Variants in SHROOM1 observed in about 807,000 individuals in gnomAD.
SHROOM1 encodes the protein protein Shroom1.
SHROOM1 carries 53 observed loss-of-function variants against 64.2 expected under a neutral mutation model. The ratio of observed to expected loss-of-function variants is 0.83; its 90% CI spans 0.66 to 1.04. The LOEUF (loss-of-function observed/expected upper bound fraction) is 1.04. SHROOM1 is among the 50% of genes least tolerant of loss of function. The pLI, the probability that SHROOM1 is intolerant of heterozygous loss-of-function variation, is 0.00. For synonymous variants in SHROOM1, 490 were observed against 518.9 expected, an observed-to-expected ratio of 0.94 and a Z score of 0.76; for missense variants, 1,179 against 1,163.2, an observed-to-expected ratio of 1.01 and a Z score of -0.20.
At position 132,830,342 on chromosome 5, in the gene SHROOM1, C is replaced by G. The variant is rs970873005; in HGVS notation, c.-501+252G>C. ...GCCCAGCCGCGCCCCTGAGCCGCGC[C>G]GCCAGCTTAGAGTGGGCCGCCTCTC... On this transcript the variant is annotated intron_variant, in intron 1 of 9. Transcript: ENST00000378679. The surrounding 1 kb of genome is among the most constrained non-coding windows in gnomAD (Gnocchi z 5.9). 1.0e-6 allele frequency: 1 copy of G among 985,002 alleles called. No individual in the cohort carries two copies. Among genetic ancestry groups the G allele is most frequent in the African/African-American group, 1.7e-5 (1 of 57,190 alleles). The allele number at this position is 985,002 out of a possible 1,614,324, so 61.0% of individuals were successfully genotyped here. A position where few individuals can be genotyped will look rare whatever the true frequency, so the allele number is the denominator to read the frequency against.
In SHROOM1 at chr5:132,823,063, C is replaced by T; in HGVS notation, c.2292G>A (p.Glu764=). Residue 764 remains glutamate, a synonymous_variant, in exon 10 of 10, where the codon GAG becomes GAA. Coordinates refer to ENST00000378679, the MANE Select transcript of SHROOM1 (RefSeq NM_001172700.2). This position sits in a 1 kb window ranked among gnomAD's most constrained non-coding sequence, Gnocchi z 4.6. The part of the protein sequence containing the change: ...RQEEDAKELK[E]HVARRERAVR... ...CGGCCCGCTCGCGCCGCGCTACGTG[C>T]TCCTTCAGCTCCTTGGCGTCCTCCT... The T allele has an allele frequency of 6.3e-7, 1 of 1,593,630 alleles. No individual in the cohort carries two copies. The highest frequency in any genetic ancestry group is 8.5e-7 in the Non-Finnish European group (1 of 1,177,082).
In SHROOM1 at chr5:132,830,297, GCCGGCGC is replaced by G; in HGVS notation, c.-501+290_-501+296del. On this transcript the variant is annotated intron_variant, in intron 1 of 9. Transcript: ENST00000378679. The surrounding 1 kb of genome is among the most constrained non-coding windows in gnomAD (Gnocchi z 5.9). Reference sequence around the variant, plus strand: ...GTGGCGGAGTGAGACCGCGCTGCCCGCCGGCGCCACACGCGGCGCGCCCAGCCGCGCC... The same window carrying G: ...GTGGCGGAGTGAGACCGCGCTGCCCGCACACGCGGCGCGCCCAGCCGCGCC... 2.0e-6 allele frequency: 2 copies of G among 985,220 alleles called. No homozygotes were observed. Among genetic ancestry groups the G allele is most frequent in the Non-Finnish European group, 2.4e-6 (2 of 829,836 alleles). The allele number at this position is 985,220 out of a possible 1,614,324, so 61.0% of individuals were successfully genotyped here. A position where few individuals can be genotyped will look rare whatever the true frequency, so the allele number is the denominator to read the frequency against.
chr5:132,828,187 C>G (rs979348027), intron 1 of SHROOM1, among the ~76,000 whole-genome samples: 5 of 152,004 alleles, frequency 3.3e-5, no homozygotes, highest in African/African-American at 1.2e-4. Flanking sequence ...CCCTGAGGCC[C>G]AGGATGTTAC....
rs116995891 is a variant in SHROOM1 at position 132,826,197 on chromosome 5, A to T, written c.-42-15T>A. ...CTGCGTGGGTCCTGGGAAAACACAG[A>T]TGTGGTGCCGGGTGAGGAGCTCCGG... On this transcript the variant is annotated splice_polypyrimidine_tract_variant and intron_variant, in intron 3 of 9. Transcript: ENST00000378679. 2.9e-3 allele frequency: 3,730 copies of T among 1,279,582 alleles called. 179 individuals carry two copies. In the East Asian group the frequency reaches 0.093, roughly 32 times the overall value. The allele number at this position is 1,279,582 out of a possible 1,614,324, so 79.3% of individuals were successfully genotyped here. A position where few individuals can be genotyped will look rare whatever the true frequency, so the allele number is the denominator to read the frequency against.
chr5:132,824,832 G>T lies in SHROOM1; in HGVS notation c.1035-11C>A. 1 of 1,613,814 alleles carries T rather than the reference G, an allele frequency of 6.2e-7. No individual in the cohort carries two copies. The highest frequency in any genetic ancestry group is 8.5e-7 in the Non-Finnish European group (1 of 1,179,832). On this transcript the variant is annotated splice_polypyrimidine_tract_variant and intron_variant, in intron 5 of 9. Transcript: ENST00000378679. Reference sequence around the variant, plus strand: ...TTCTGAGGCAAGAACCTGGAGGCAGGGACCCCATAGTGACCACAGTGAAAG... The same window carrying T: ...TTCTGAGGCAAGAACCTGGAGGCAGTGACCCCATAGTGACCACAGTGAAAG...
In SHROOM1 at chr5:132,825,900, T is replaced by G. The variant is rs1758676413; in HGVS notation, c.241A>C (p.Thr81Pro). 3 of 1,330,706 alleles carry G rather than the reference T, an allele frequency of 2.3e-6. No individual in the cohort carries two copies. Among genetic ancestry groups the G allele is most frequent in the South Asian group, 2.0e-5 (1 of 49,358 alleles). The allele number at this position is 1,330,706 out of a possible 1,614,324, so 82.4% of individuals were successfully genotyped here. The change falls in exon 4 of 10, where the codon ACA (threonine) becomes CCA (proline). Residue 81 changes from threonine to proline, a missense_variant. Thr to Pro is a conservative substitution (Grantham distance 38). Coordinates refer to ENST00000378679, the MANE Select transcript of SHROOM1 (RefSeq NM_001172700.2). This position sits in a 1 kb window ranked among gnomAD's most constrained non-coding sequence, Gnocchi z 5.1. ...ACCGCGGGCCGGGGCCGCGGGGATGTGCAAAGGGCAGCGTCGGGCGGGGCG... is the reference window on the plus strand; with the variant it reads ...ACCGCGGGCCGGGGCCGCGGGGATGGGCAAAGGGCAGCGTCGGGCGGGGCG... ...GPAPPDAALC[T>P]SPRPRPAVAA...
Position 132,824,057 on chromosome 5 carries a change from G to A in SHROOM1, c.1604C>T (p.Pro535Leu). ...CTCGAGGCACTGACTAGGCCATGTG[G>A]GCCTGGAACCAGGCTGGCCAGTGCC... Reference protein sequence around the residue: ...ARGTGQPGSRPTWPSQCLEEL... With the variant: ...ARGTGQPGSRLTWPSQCLEEL... Residue 535 changes from proline to leucine, a missense_variant, in exon 7 of 10, where the codon CCC becomes CTC. Transcript: ENST00000378679. The A allele has an allele frequency of 6.2e-7, 1 of 1,611,796 alleles. No individual in the cohort carries two copies. The highest frequency in any genetic ancestry group is 2.2e-5 in the East Asian group (1 of 44,854).
rs61734940 is a variant in SHROOM1 at position 132,824,302 on chromosome 5, G to A, written c.1359C>T (p.Cys453=). 2.5e-4 allele frequency: 401 copies of A among 1,613,584 alleles called. 1 individual carries two copies. In the African/African-American group the frequency reaches 4.6e-3, roughly 19 times the overall value. ...CTACAGAACCATTCACCCCCTGCCA[G>A]CAGTCATCTGCCCCTGCAGTTCCTG... is the stretch of plus-strand genomic sequence containing the variant. ...ECPGTAGADD[C]WQGVNGSVGI... The change falls in exon 7 of 10, where the codon TGC becomes TGT. Residue 453 remains cysteine, a synonymous_variant. Coordinates refer to ENST00000378679, the MANE Select transcript of SHROOM1 (RefSeq NM_001172700.2).
Position 132,823,279 on chromosome 5 carries a change from C to A in SHROOM1, c.2197G>T (p.Ala733Ser). 1 of 1,599,736 alleles carries A rather than the reference C, an allele frequency of 6.3e-7. No individual in the cohort carries two copies. The highest frequency in any genetic ancestry group is 8.5e-7 in the Non-Finnish European group (1 of 1,178,474). The change falls in exon 9 of 10, where the codon GCG becomes TCG. Residue 733 changes from alanine (A) to serine (S), a missense_variant. By Grantham distance (99) the Ala-to-Ser change is moderately conservative. Coordinates refer to ENST00000378679, the MANE Select transcript of SHROOM1 (RefSeq NM_001172700.2). The surrounding 1 kb of genome is among the most constrained non-coding windows in gnomAD (Gnocchi z 4.6). ...TCATCAGGGTCGCTGTCTGAGGCCG[C>A]CCGGGCCAGGGCGCGGCGCACGCGC... The part of the protein sequence containing the change: ...LARVRRALAR[A>S]ASDSDPDEQA...
At position 132,829,933 on chromosome 5, in the gene SHROOM1, G is replaced by A. The variant is rs1040361951; in HGVS notation, c.-501+661C>T. On this transcript the variant is annotated intron_variant, in intron 1 of 9. Transcript: ENST00000378679. ...TCGGTCGCTGCACCCCAGATGCAGA[G>A]TCTCTGGAGACCCGAGCTCCGTGCC... 6 of 985,362 alleles carry A rather than the reference G, an allele frequency of 6.1e-6. No homozygotes were observed. The African/African-American group carries it at 8.7e-5, about 14-fold the overall frequency. 61.0% of individuals were successfully genotyped at this position (985,362 alleles called of 1,614,324 possible). A position where few individuals can be genotyped will look rare whatever the true frequency, so the allele number is the denominator to read the frequency against.
In SHROOM1 at chr5:132,823,489, G is replaced by A; in HGVS notation, c.1987C>T (p.Gln663Ter). 1 of 1,605,362 alleles carries A rather than the reference G, an allele frequency of 6.2e-7. No homozygotes were observed. Among genetic ancestry groups the A allele is most frequent in the Non-Finnish European group, 8.5e-7 (1 of 1,173,594 alleles). The change falls in exon 9 of 10, where the codon CAG (glutamine) becomes TAG (stop). Residue 663 changes from glutamine (Q) to a stop codon, truncating the protein, a stop_gained. Transcript: ENST00000378679. LOFTEE classifies it high-confidence loss of function. The surrounding 1 kb of genome is among the most constrained non-coding windows in gnomAD (Gnocchi z 4.6). The stretch of plus-strand genomic sequence containing the variant: ...CGCTCCTGCTCCGTGTGAAGGTCCT[G>A]AAGCATCTTTTGGAGGCGGGCGGCC... ...ELAARLQKML[Q>*]DLHTEQERLQ... is the part of the protein sequence containing the mutation.
In SHROOM1 at chr5:132,824,017, C is replaced by G. The variant is rs1478060094; in HGVS notation, c.1644G>C (p.Glu548Asp). Reference sequence around the variant, plus strand: ...ATAGAGAGGGATCTAATCTGGCCAGCTCCTGAACCAGCTCCTCGAGGCACT... The same window carrying G: ...ATAGAGAGGGATCTAATCTGGCCAGGTCCTGAACCAGCTCCTCGAGGCACT... ...PSQCLEELVQ[E>D]LARLDPSLCD... The change falls in exon 7 of 10, where the codon GAG becomes GAC. Residue 548 changes from glutamate to aspartate, a missense_variant. Coordinates refer to ENST00000378679, the MANE Select transcript of SHROOM1 (RefSeq NM_001172700.2). 1.9e-6 allele frequency: 3 copies of G among 1,606,674 alleles called. No homozygotes were observed. The highest frequency in any genetic ancestry group is 2.6e-6 in the Non-Finnish European group (3 of 1,176,158).
Position 132,823,641 on chromosome 5 carries a change from G to A in SHROOM1, c.1935C>T (p.Asn645=), listed in dbSNP as rs1177702393. 1 of 1,599,422 alleles carries A rather than the reference G, an allele frequency of 6.3e-7. No homozygotes were observed. Among genetic ancestry groups the A allele is most frequent in the African/African-American group, 1.3e-5 (1 of 74,298 alleles). ...CACTCACTTTCTTGCCCTGGATGCTGTTGTTTGGTGCAGGGAGCCCCTGCC... is the reference window on the plus strand; with the variant it reads ...CACTCACTTTCTTGCCCTGGATGCTATTGTTTGGTGCAGGGAGCCCCTGCC... ...PCGQGLPAPN[N]SIQGKKVELA... Residue 645 remains asparagine (N), a synonymous_variant, in exon 8 of 10, where the codon AAC becomes AAT. Coordinates refer to ENST00000378679, the MANE Select transcript of SHROOM1 (RefSeq NM_001172700.2). The surrounding 1 kb of genome is among the most constrained non-coding windows in gnomAD (Gnocchi z 4.6).
rs1365923073 is a variant in SHROOM1 at position 132,830,580 on chromosome 5, C to T, written c.-501+14G>A. On this transcript the variant is annotated intron_variant, in intron 1 of 9. Transcript: ENST00000378679. The surrounding 1 kb of genome is among the most constrained non-coding windows in gnomAD (Gnocchi z 5.9). ...CAGCCGCCCGCTTCCCGCTCCCCCG[C>T]CCCCGCCGCGTACCTGAGGCTCCCG... 3.0e-5 allele frequency: 30 copies of T among 985,520 alleles called. No homozygotes were observed. Among genetic ancestry groups the T allele is most frequent in the Non-Finnish European group, 3.6e-5 (30 of 829,924 alleles). The allele number at this position is 985,520 out of a possible 1,614,324, so 61.0% of individuals were successfully genotyped here. A position where few individuals can be genotyped will look rare whatever the true frequency, so the allele number is the denominator to read the frequency against.
Position 132,822,930 on chromosome 5 carries a change from G to C in SHROOM1, c.2425C>G (p.Arg809Gly). The C allele has an allele frequency of 1.2e-6, 2 of 1,612,894 alleles. No homozygotes were observed. Among genetic ancestry groups the C allele is most frequent in the Non-Finnish European group, 8.5e-7 (1 of 1,179,932 alleles). The part of the protein sequence containing the change: ...VLAQQRNLDE[R>G]IRLLQDQLDA... ...AGTTGGTCCTGAAGGAGGCGGATGC[G>C]CTCGTCCAGGTTGCGCTGCTGGGCC... Residue 809 changes from arginine to glycine, a missense_variant, in exon 10 of 10, where the codon CGC becomes GGC. By Grantham distance (125) the Arg-to-Gly change is moderately radical (BLOSUM62 -2). Coordinates refer to ENST00000378679, the MANE Select transcript of SHROOM1 (RefSeq NM_001172700.2).
intron 1 of SHROOM1, chr5:132,829,483 A>C: frequency 1.3e-6 from 1 of 765,058 alleles, no homozygotes; most frequent in Non-Finnish European, 1.6e-6. Context: ...AGCTGAAGAC[A>C]GTTTCCGGTG....
In SHROOM1 at chr5:132,822,178, C is replaced by A. The variant is rs1327452939; in HGVS notation, c.*618G>T. 1.3e-5 allele frequency: 2 copies of A among 152,110 alleles called. No homozygotes were observed. Among genetic ancestry groups the A allele is most frequent in the Non-Finnish European group, 2.9e-5 (2 of 68,046 alleles). The allele number at this position is 152,110 out of a possible 1,614,324, so 9.4% of individuals were successfully genotyped here. On this transcript the variant is annotated 3_prime_UTR_variant, in exon 10 of 10. Transcript: ENST00000378679. The stretch of plus-strand genomic sequence containing the variant: ...TTTTTATTGAAGAAAAAATAGGCTG[C>A]TTTGCACCTTAAGTGCTCCTCTGTC...
In SHROOM1 at chr5:132,825,736, C is replaced by T. The variant is rs1561451514; in HGVS notation, c.405G>A (p.Pro135=). The T allele has an allele frequency of 1.1e-5, 14 of 1,276,910 alleles. No individual in the cohort carries two copies. Among genetic ancestry groups the T allele is most frequent in the Non-Finnish European group, 1.3e-5 (13 of 1,017,280 alleles). 79.1% of individuals were successfully genotyped at this position (1,276,910 alleles called of 1,614,324 possible). ...GCTGGCGGTAGGCGGCCCTCGAGGC[C>T]GGCGGGCTGGGCGGCTCGGCAGCCT... ...AAQAAEPPSP[P]ASRAAYRQRL... is the part of the protein sequence containing the mutation. The change falls in exon 4 of 10, where the codon CCG becomes CCA. Residue 135 remains proline (P), a synonymous_variant. Coordinates refer to ENST00000378679, the MANE Select transcript of SHROOM1 (RefSeq NM_001172700.2). This position sits in a 1 kb window ranked among gnomAD's most constrained non-coding sequence, Gnocchi z 5.1.
chr5:132,826,660 G>T (rs924413511), intron 2 of SHROOM1, 73 bp from the exon 3 acceptor site: 1 of 153,324 alleles, frequency 6.5e-6, no homozygotes, highest in African/African-American at 2.4e-5. Context: ...GGAAGACCCA[G>T]GGCAAGGGGC....
Sources: allele counts gnomAD v4.1 joint callset (sites outside exome capture counted in the v4.1 genomes callset), GRCh38; gene constraint gnomAD v4.1.1; non-coding constraint Gnocchi (gnomAD v3.1); transcripts MANE v1.5; gene names NCBI Gene and HGNC (gene_info 2026-07-23, HGNC 2026-07-21).